Variants in COL4A1 observed in about 807,000 individuals in gnomAD.
COL4A1 encodes the protein collagen type IV alpha 1 chain, also known as collagen alpha-1(IV) chain.
In COL4A1, 40 loss-of-function variants were observed where a neutral mutation model predicts 216.6. The observed-to-expected ratio is 0.18, with a 90% confidence interval of 0.14 to 0.24. The LOEUF is 0.24. Ranked by LOEUF, COL4A1 falls within the 10% of genes least tolerant of loss-of-function variation. COL4A1 has a pLI of 1.00. For missense variants in COL4A1, 1,628 were observed against 2,196.8 expected (o/e 0.74, Z 5.18); for synonymous variants, 839 against 810.7 (o/e 1.03, Z -0.59).
chr13:110,162,387 C>A lies in COL4A1; in HGVS notation c.4305G>T (p.Gly1435=), dbSNP rs376372101. 1.7e-5 allele frequency: 27 copies of A among 1,614,048 alleles called. No homozygotes were observed. Among genetic ancestry groups the A allele is most frequent in the Non-Finnish European group, 2.0e-5 (24 of 1,180,010 alleles). ...PGPDGLPGSM[G]PPGTPSVDHG... ...GATCAACAGATGGGGTGCCTGGGGG[C>A]CCCATGGATCCTGGCAACCCATCGG... Residue 1435 remains glycine, a synonymous_variant, in exon 48 of 52, where the codon GGG becomes GGT. Transcript: ENST00000375820.
chr13:110,208,558 C>T (rs561074155), intron 12 of COL4A1, among the ~76,000 whole-genome samples: 1 of 152,312 alleles, frequency 6.6e-6, no homozygotes, highest in South Asian at 2.1e-4. Flanking sequence ...GGTCTGACCT[C>T]ATCACTGACG....
rs1286468449 is a variant in COL4A1 at position 110,253,703 on chromosome 13, TATGTATTACATATACGTATAATTATAC to T, written c.85-10996_85-10970del. Among the ~76,000 whole-genome samples, 86 of 142,688 alleles carry T rather than the reference TATGTATTACATATACGTATAATTATAC, an allele frequency of 6.0e-4. 1 individual carries two copies. The highest frequency in any genetic ancestry group is 7.5e-4 in the African/African-American group (29 of 38,600). The allele number at this position is 142,688 out of a possible 152,430, so 93.6% of individuals were successfully genotyped here. On this transcript the variant is annotated intron_variant, in intron 1 of 51. Transcript: ENST00000375820. ...TATTACATATACATATAATTATACGTATGTATTACATATACGTATAATTATACGTATGTATGTATTACATATACATAT... is the reference window on the plus strand; with the variant it reads ...TATTACATATACATATAATTATACGTGTATGTATGTATTACATATACATAT...
chr13:110,187,376 G>A lies in COL4A1; in HGVS notation c.1537-47C>T, dbSNP rs754768166. 4.4e-6 allele frequency: 7 copies of A among 1,603,298 alleles called. No individual in the cohort carries two copies. The Admixed American group carries it at 1.2e-4, about 27-fold the overall frequency. On this transcript the variant is annotated intron_variant, in intron 24 of 51. Coordinates refer to ENST00000375820, the MANE Select transcript of COL4A1 (RefSeq NM_001845.6). ...ATCCACAGAAGAACCCATCCATGAAGCACACCAGTGTGACTGTAACACAAG... is the reference window on the plus strand; with the variant it reads ...ATCCACAGAAGAACCCATCCATGAAACACACCAGTGTGACTGTAACACAAG...
At chr13:110,296,852 A>G (rs912219127) in intron 1 of COL4A1, among the ~76,000 whole-genome samples, 1 of 152,238 alleles carries the variant, frequency 6.6e-6, no homozygotes, top group Non-Finnish European at 1.5e-5. Context: ...GAACTCAGGG[A>G]AACCCTTATG....
At chr13:110,188,827 A>C (rs552529628) in intron 24 of COL4A1, among the ~76,000 whole-genome samples, 1 of 152,278 alleles carries the variant, frequency 6.6e-6, no homozygotes, top group South Asian at 2.1e-4. Context: ...GAAACATCGC[A>C]GGCTAAGGAA....
chr13:110,290,932 T>C (rs936918021), intron 1 of COL4A1, among the ~76,000 whole-genome samples: 1 of 152,184 alleles, frequency 6.6e-6, no homozygotes, highest in Admixed American at 6.5e-5. Flanking sequence ...GGGGTCGCCG[T>C]GCAGTGGCAG....
At chr13:110,175,968 T>C (rs1161685645) in intron 36 of COL4A1, among the ~76,000 whole-genome samples, 1 of 152,204 alleles carries the variant, frequency 6.6e-6, no homozygotes, top group Non-Finnish European at 1.5e-5. Flanking sequence ...TCTCCTCCTC[T>C]TCCCGGCTGC....
At chr13:110,269,647 C>A (rs1368051860) in intron 1 of COL4A1, among the ~76,000 whole-genome samples, 7 of 152,110 alleles carry the variant, frequency 4.6e-5, no homozygotes, top group Admixed American at 1.3e-4. Flanking sequence ...GTGTGTCCAG[C>A]ACAGGTGACA....
At chr13:110,248,184 C>T (rs1192393293) in intron 1 of COL4A1, among the ~76,000 whole-genome samples, 1 of 152,156 alleles carries the variant, frequency 6.6e-6, no homozygotes, top group African/African-American at 2.4e-5. Flanking sequence ...AGCACTTCCT[C>T]GGGGAGTCTT....
chr13:110,186,881 C>T (rs1878428520), intron 25 of COL4A1, among the ~76,000 whole-genome samples: 1 of 152,282 alleles, frequency 6.6e-6, no homozygotes, highest in East Asian at 1.9e-4. Flanking sequence ...AAAAGATACA[C>T]AAACACATCT....
At position 110,152,471 on chromosome 13, in the gene COL4A1, G is replaced by T. The variant is rs781449099; in HGVS notation, c.4791C>A (p.Ala1597=). The change falls in exon 51 of 52, where the codon GCC becomes GCA. Residue 1597 remains alanine, a synonymous_variant. Coordinates refer to ENST00000375820, the MANE Select transcript of COL4A1 (RefSeq NM_001845.6). The part of the protein sequence containing the change: ...TSAGAEGSGQ[A]LASPGSCLEE... ...CCAGGCAGGAGCCGGGGGACGCCAG[G>T]GCTTGGCCAGAGCCTTCTGCACCAG... is the stretch of plus-strand genomic sequence containing the variant. 6.2e-7 allele frequency: 1 copy of T among 1,613,674 alleles called. No individual in the cohort carries two copies. The highest frequency in any genetic ancestry group is 2.2e-5 in the East Asian group (1 of 44,872).
chr13:110,164,773 A>T (rs928253708), intron 46 of COL4A1, 89 bp downstream of exon 46: 1 of 1,544,554 alleles, frequency 6.5e-7, no homozygotes, highest in Non-Finnish European at 8.7e-7. Flanking sequence ...TTACCCAGAA[A>T]CTTATTTTAG....
intron 1 of COL4A1, among the ~76,000 whole-genome samples, chr13:110,283,863 G>A (rs1056888953): frequency 6.6e-6 from 1 of 152,206 alleles, no homozygotes; most frequent in African/African-American, 2.4e-5. Context: ...TAGTCACTGT[G>A]GCTGGGCTGG....
Position 110,211,984 on chromosome 13 carries a change from A to G in COL4A1, c.388-62T>C, listed in dbSNP as rs1031221983. ...GTGTGGCAGACACATCAGCCCTGAC[A>G]TCGCATGCATCACTCTGCCCTACCC... On this transcript the variant is annotated intron_variant, in intron 6 of 51. Transcript: ENST00000375820. This position sits in a 1 kb window ranked among gnomAD's most constrained non-coding sequence, Gnocchi z 4.3. 1.4e-6 allele frequency: 2 copies of G among 1,443,184 alleles called. No homozygotes were observed. The highest frequency in any genetic ancestry group is 1.1e-5 in the South Asian group (1 of 87,632). The allele number at this position is 1,443,184 out of a possible 1,614,324, so 89.4% of individuals were successfully genotyped here.
At chr13:110,215,560 CAAA>C (rs869160688) in intron 2 of COL4A1, among the ~76,000 whole-genome samples, 1 of 65,626 alleles carries the variant, frequency 1.5e-5, no homozygotes, top group Admixed American at 1.7e-4. Flanking sequence ...GACTCTGTCT[CAAA>C]AAAAAAAAAA....
At chr13:110,203,741 T>G (rs2139194226) in intron 17 of COL4A1, 134 bp from the exon 18 acceptor site, 1 of 871,948 alleles carries the variant, frequency 1.1e-6, no homozygotes, top group East Asian at 2.5e-5. Flanking sequence ...CTCTTTAATA[T>G]CTCTCATTCT....
chr13:110,188,006 C>T (rs1227473331), intron 24 of COL4A1, among the ~76,000 whole-genome samples: 1 of 152,190 alleles, frequency 6.6e-6, no homozygotes, highest in African/African-American at 2.4e-5. Flanking sequence ...TCAGCAGAGT[C>T]AAATTGACTT....
rs61963329 is a variant in COL4A1, at chr13:110,253,137, T to G, written c.85-10403A>C. ...TATGTACGTATGTATTATATATACA[T>G]ATAACTATATGTACGTATTATATAT... On this transcript the variant is annotated intron_variant, in intron 1 of 51. Transcript: ENST00000375820. Among the ~76,000 whole-genome samples the G allele has an allele frequency of 3.1e-3, 148 of 48,214 alleles. 40 individuals carry two copies. The highest frequency in any genetic ancestry group is 5.6e-3 in the Non-Finnish European group (80 of 14,272). The allele number at this position is 48,214 out of a possible 152,430, so 31.6% of individuals were successfully genotyped here.
chr13:110,304,120 G>A (rs1884598111), intron 1 of COL4A1, among the ~76,000 whole-genome samples: 1 of 152,074 alleles, frequency 6.6e-6, no homozygotes, highest in South Asian at 2.1e-4. Context: ...TTAAAGTTAT[G>A]TCCCTTCACC....
Sources: gnomAD v4.1 joint callset for allele counts (sites outside exome capture counted in the v4.1 genomes callset) on GRCh38, gnomAD v4.1.1 for gene constraint, Gnocchi (gnomAD v3.1) non-coding constraint, MANE v1.5 for transcripts, NCBI Gene and HGNC (gene_info 2026-07-23, HGNC 2026-07-21) for gene names.